The following NR1D2 variants were observed in gnomAD, a reference collection of about 807,000 sequenced individuals.
NR1D2 encodes the protein nuclear receptor subfamily 1 group D member 2.
Under a neutral mutation model 52.2 loss-of-function variants are expected in NR1D2, and 25 were observed. The ratio of observed to expected loss-of-function variants is 0.48; its 90% confidence interval spans 0.35 to 0.67. The LOEUF (loss-of-function observed/expected upper bound fraction) is 0.67, where lower values mean the gene tolerates loss of function less well. NR1D2 is among the 30% of genes least tolerant of loss of function. The pLI is 0.01. For missense variants in NR1D2, 681 were observed against 707.2 expected, an observed-to-expected ratio of 0.96 and a Z score of 0.42; for synonymous variants, 259 against 230.1, an observed-to-expected ratio of 1.13 and a Z score of -1.14.
chr3:23,977,153 A>G, intron 7 of NR1D2, 70 bp from the exon 8 acceptor site: 1 of 900,348 alleles, frequency 1.1e-6, no homozygotes, highest in Non-Finnish European at 1.5e-6. Flanking sequence ...GATAAGCAAG[A>G]ATTTTATTTA....
chr3:23,968,030 A>T lies in NR1D2; in HGVS notation c.1543+7A>T. ...GTTGTCCTGGTATCTGCAGGTAAGC[A>T]AGCTGGTTCAAAATTGTGCCACACC... On this transcript the variant is annotated splice_region_variant and intron_variant, in intron 7 of 7. Coordinates refer to ENST00000312521, the MANE Select transcript of NR1D2 (RefSeq NM_005126.5). 8 of 1,613,012 alleles carry T rather than the reference A, an allele frequency of 5.0e-6. No homozygotes were observed. The highest frequency in any genetic ancestry group is 6.8e-6 in the Non-Finnish European group (8 of 1,178,956).
rs1440129501 is a variant in NR1D2 at position 23,980,340 on chromosome 3, T to G, written c.*2921T>G. On this transcript the variant is annotated 3_prime_UTR_variant, in exon 8 of 8. Transcript: ENST00000312521. ...TTTATCACTTAGGATATAGAATTTT[T>G]TTAGGGGTTGGGGGAGGGGATCTGT... The G allele has an allele frequency of 1.3e-5, 2 of 152,246 alleles. No homozygotes were observed. Among genetic ancestry groups the G allele is most frequent in the Admixed American group, 6.5e-5 (1 of 15,294 alleles). The allele number at this position is 152,246 out of a possible 1,614,324, so 9.4% of individuals were successfully genotyped here.
rs757889206 is a variant in NR1D2, at chr3:23,954,715, C to T, written c.195C>T (p.Gly65=). 3.1e-6 allele frequency: 5 copies of T among 1,613,880 alleles called. No individual in the cohort carries two copies. Among genetic ancestry groups the T allele is most frequent in the Non-Finnish European group, 2.5e-6 (3 of 1,179,756 alleles). Residue 65 remains glycine (G), a synonymous_variant, in exon 2 of 8, where the codon GGC becomes GGT. Transcript: ENST00000312521. ...PKNGDLANIE[G]ILKNDRIDCS... is the part of the protein sequence containing the mutation. ...ATGGTGATCTCGCCAATATTGAAGG[C>T]ATCTTGAAGAATGATCGAATAGATT...
chr3:23,963,306 A>G, intron 5 of NR1D2: 1 of 1,349,402 alleles, frequency 7.4e-7, no homozygotes, highest in Non-Finnish European at 9.8e-7. Context: ...GTCCTTTGAT[A>G]GTGCTTGGTA....
chr3:23,945,763 C>A (rs1705657250), intron 1 of NR1D2, among the ~76,000 whole-genome samples, 169 bp downstream of exon 1: 4 of 150,404 alleles, frequency 2.7e-5, no homozygotes, highest in Admixed American at 2.6e-4. Context: ...CCCCGGGCCG[C>A]CCGGCGCCCG....
intron 7 of NR1D2, among the ~76,000 whole-genome samples, chr3:23,975,920 T>C (rs1459470537): frequency 1.3e-5 from 2 of 152,230 alleles, no homozygotes; most frequent in Non-Finnish European, 2.9e-5. Flanking sequence ...CTCCTCAATA[T>C]CCTTGTAAAA....
In NR1D2 at chr3:23,962,172, T is replaced by A. The variant is rs189537894; in HGVS notation, c.713T>A (p.Ile238Asn). ...RPKPQLEQEN[I>N]KSSSPPSSDF... ...AAGCCCCAACTGGAGCAAGAAAACA[T>A]CAAAAGCTCTTCTCCTCCATCTTCT... The change falls in exon 5 of 8, where the codon ATC becomes AAC. Residue 238 changes from isoleucine (I) to asparagine (N), a missense_variant. By Grantham distance (149) the Ile-to-Asn change is moderately radical. Around this residue, in one of 3 missense-constraint regions of NR1D2, gnomAD observed 475 missense variants for 454.5 expected, o/e 1.05. Transcript: ENST00000312521. The A allele has an allele frequency of 1.2e-6, 2 of 1,614,094 alleles. No homozygotes were observed. Among genetic ancestry groups the A allele is most frequent in the Admixed American group, 1.7e-5 (1 of 60,022 alleles).
intron 7 of NR1D2, among the ~76,000 whole-genome samples, chr3:23,968,587 G>A (rs1180801848): frequency 6.6e-6 from 1 of 152,194 alleles, no homozygotes; most frequent in Non-Finnish European, 1.5e-5. Flanking sequence ...GCCTAGTGTG[G>A]TGTCTGGCAT....
chr3:23,947,705 A>G lies in NR1D2; in HGVS notation c.16+2111A>G, dbSNP rs1022325360. ...ATGACTTGAAGTGTAGGAATTTACA[A>G]TGACCATTCTTAAAATTTCTCTCGT... is the stretch of plus-strand genomic sequence containing the variant. On this transcript the variant is annotated intron_variant, in intron 1 of 7. Coordinates refer to ENST00000312521, the MANE Select transcript of NR1D2 (RefSeq NM_005126.5). 2.0e-5 allele frequency among the ~76,000 whole-genome samples: 3 copies of G among 152,230 alleles called. No homozygotes were observed. In the East Asian group the frequency reaches 5.8e-4, roughly 29 times the overall value.
intron 1 of NR1D2, among the ~76,000 whole-genome samples, chr3:23,949,373 A>C (rs568799426): frequency 6.6e-5 from 10 of 152,090 alleles, no homozygotes; most frequent in East Asian, 3.9e-4. Context: ...TGAAAAAAAA[A>C]AACAACAAAA....
rs1307647713 is a variant in NR1D2 at position 23,951,962 on chromosome 3, C to T, written c.17-2575C>T. On this transcript the variant is annotated intron_variant, in intron 1 of 7. Transcript: ENST00000312521. ...TTTTAGAATAAATGGTAGATGAAAACTACCTTGGTCACTTTGTCTTCCAGG... is the reference window on the plus strand; with the variant it reads ...TTTTAGAATAAATGGTAGATGAAAATTACCTTGGTCACTTTGTCTTCCAGG... Among the ~76,000 whole-genome samples, 3 of 152,196 alleles carry T rather than the reference C, an allele frequency of 2.0e-5. No homozygotes were observed. The East Asian group carries it at 5.8e-4, about 29-fold the overall frequency.
rs1418519822 is a variant in NR1D2, at chr3:23,962,449, C to T, written c.990C>T (p.Tyr330=). 2 of 1,614,004 alleles carry T rather than the reference C, an allele frequency of 1.2e-6. No homozygotes were observed. Among genetic ancestry groups the T allele is most frequent in the Non-Finnish European group, 1.7e-6 (2 of 1,180,010 alleles). Residue 330 remains tyrosine, a synonymous_variant, in exon 5 of 8, where the codon TAC becomes TAT. Transcript: ENST00000312521. ...GQFKGRNIMH[Y]PNGHAICIAN... The stretch of plus-strand genomic sequence containing the variant: ...TCAAAGGGAGGAATATAATGCATTA[C>T]CCAAATGGTCATGCCATTTGTATTG...
chr3:23,951,020 C>CT, intron 1 of NR1D2, among the ~76,000 whole-genome samples: 1 of 150,746 alleles, frequency 6.6e-6, no homozygotes, highest in East Asian at 2.0e-4. Flanking sequence ...ATTCTCCTGT[C>CT]TCAGCCTCCT....
Position 23,970,037 on chromosome 3 carries a change from C to T in NR1D2, c.1543+2014C>T, listed in dbSNP as rs563173748. ...TGGACTAACAGCTATGAGAACTAAG[C>T]GGGGAGATTTTAACCAAAATATGGG... is the stretch of plus-strand genomic sequence containing the variant. On this transcript the variant is annotated intron_variant, in intron 7 of 7. Transcript: ENST00000312521. Among the ~76,000 whole-genome samples, 7 of 152,186 alleles carry T rather than the reference C, an allele frequency of 4.6e-5. No homozygotes were observed. In the East Asian group the frequency reaches 9.6e-4, roughly 21 times the overall value.
intron 4 of NR1D2, among the ~76,000 whole-genome samples, chr3:23,961,389 CTTTTT>C (rs869108010): frequency 2.6e-5 from 2 of 76,014 alleles, no homozygotes; most frequent in African/African-American, 5.4e-5. Context: ...CTTTTTCTTT[CTTTTT>C]TTTTTTTTTT....
intron 4 of NR1D2, 87 bp from the exon 5 acceptor site, chr3:23,961,890 A>AG: frequency 7.9e-7 from 1 of 1,271,370 alleles, no homozygotes; most frequent in Non-Finnish European, 1.1e-6. Flanking sequence ...ACTAGAGGCC[A>AG]TAACTGTTGG....
At chr3:23,970,324 A>C (rs1484396399) in intron 7 of NR1D2, among the ~76,000 whole-genome samples, 1 of 152,186 alleles carries the variant, frequency 6.6e-6, no homozygotes, top group Non-Finnish European at 1.5e-5. Flanking sequence ...AAAGGGGTAG[A>C]GGGAAACTCT....
At position 23,962,135 on chromosome 3, in the gene NR1D2, C is replaced by G; in HGVS notation, c.676C>G (p.Gln226Glu). 6.2e-7 allele frequency: 1 copy of G among 1,614,178 alleles called. No individual in the cohort carries two copies. The highest frequency in any genetic ancestry group is 8.5e-7 in the Non-Finnish European group (1 of 1,180,036). ...ACAGACAGCCTTGCCAGCCCAGGAA[C>G]AGCTGCGACCCAAGCCCCAACTGGA... Reference protein sequence around the residue: ...HEQTALPAQEQLRPKPQLEQE... With the variant: ...HEQTALPAQEELRPKPQLEQE... Residue 226 changes from glutamine (Q) to glutamate (E), a missense_variant, in exon 5 of 8, where the codon CAG becomes GAG. Around this residue, in one of 3 missense-constraint regions of NR1D2, gnomAD observed 475 missense variants for 454.5 expected, o/e 1.05. Coordinates refer to ENST00000312521, the MANE Select transcript of NR1D2 (RefSeq NM_005126.5).
chr3:23,948,715 C>T (rs1218545897), intron 1 of NR1D2, among the ~76,000 whole-genome samples: 1 of 152,232 alleles, frequency 6.6e-6, no homozygotes, highest in Non-Finnish European at 1.5e-5. Context: ...AAATAACTTA[C>T]TCAGGCAAGT....
Sources: gnomAD v4.1 joint callset for allele counts (sites outside exome capture counted in the v4.1 genomes callset) on GRCh38, gnomAD v4.1.1 for gene constraint, gnomAD v4.1.1 regional missense constraint, MANE v1.5 for transcripts, NCBI Gene and HGNC (gene_info 2026-07-23, HGNC 2026-07-21) for gene names.